The following ZRANB3 variants were observed in gnomAD, a reference collection of about 807,000 sequenced individuals.
ZRANB3 encodes DNA annealing helicase and endonuclease ZRANB3.
ZRANB3 carries 125 observed loss-of-function variants against 133.8 expected under a neutral mutation model. The ratio of observed to expected loss-of-function variants is 0.93; its 90% CI spans 0.81 to 1.08. The LOEUF is 1.08. ZRANB3 is among the 50% of genes least tolerant of loss of function. The pLI is 0.00. For synonymous variants in ZRANB3, 387 were observed against 432.7 expected (o/e 0.89, Z 1.31); for missense variants, 1,229 against 1,275.5 (o/e 0.96, Z 0.56).
At chr2:135,449,594 T>G (rs1690177101) in intron 2 of ZRANB3, among the ~76,000 whole-genome samples, 1 of 152,170 alleles carries the variant, frequency 6.6e-6, no homozygotes, top group Non-Finnish European at 1.5e-5. Context: ...CACTCCAGCT[T>G]GGGTAACAGA....
At chr2:135,425,015 A>G (rs1348687823) in intron 2 of ZRANB3, among the ~76,000 whole-genome samples, 1 of 152,256 alleles carries the variant, frequency 6.6e-6, no homozygotes, top group Non-Finnish European at 1.5e-5. Context: ...ATGGATTTGA[A>G]GAGGAATTCC....
intron 2 of ZRANB3, among the ~76,000 whole-genome samples, chr2:135,464,737 C>T (rs958992477): frequency 6.6e-6 from 1 of 152,148 alleles, no homozygotes; most frequent in Non-Finnish European, 1.5e-5. Context: ...GGCAACTAAG[C>T]CATGTACGTA....
chr2:135,499,887 T>C (rs1264614015), intron 2 of ZRANB3, among the ~76,000 whole-genome samples: 1 of 152,162 alleles, frequency 6.6e-6, no homozygotes, highest in Admixed American at 6.5e-5. Context: ...GGAAATATGG[T>C]CACTGCAGAC....
intron 3 of ZRANB3, among the ~76,000 whole-genome samples, chr2:135,373,982 T>C (rs1040691866): frequency 3.9e-5 from 6 of 152,078 alleles, no homozygotes; most frequent in South Asian, 4.1e-4. Flanking sequence ...CAAGAGATAA[T>C]TGAAGCTGAG....
chr2:135,409,059 T>TA (rs1277684163), intron 2 of ZRANB3, among the ~76,000 whole-genome samples: 3 of 151,978 alleles, frequency 2.0e-5, no homozygotes, highest in Non-Finnish European at 4.4e-5. Context: ...GGCAGTACAA[T>TA]AAGTATGTTG....
intron 8 of ZRANB3, among the ~76,000 whole-genome samples, chr2:135,285,718 AT>A (rs1413260450): frequency 6.6e-6 from 1 of 152,244 alleles, no homozygotes; most frequent in Non-Finnish European, 1.5e-5. Flanking sequence ...TCATAGAAAA[AT>A]AACTGGCATT....
chr2:135,432,308 A>G (rs1016228622), intron 2 of ZRANB3, among the ~76,000 whole-genome samples: 8 of 152,174 alleles, frequency 5.3e-5, no homozygotes, highest in Non-Finnish European at 1.0e-4. Context: ...AAAGATTCAA[A>G]TATTTCTAGA....
rs142441356 is a variant in ZRANB3, at chr2:135,521,760, C to G, written c.-8+9367G>C. ...ATACGGCAGCAAGTAATCAAAAAAG[C>G]CTTCACTTGTGAGAAAAAATGCTTG... On this transcript the variant is annotated intron_variant, in intron 1 of 20. Transcript: ENST00000264159. 1.1e-4 allele frequency among the ~76,000 whole-genome samples: 17 copies of G among 152,190 alleles called. No homozygotes were observed. The East Asian group carries it at 3.1e-3, about 28-fold the overall frequency.
Position 135,379,776 on chromosome 2 carries a change from C to T in ZRANB3, c.180+11026G>A, listed in dbSNP as rs912208956. On this transcript the variant is annotated intron_variant, in intron 3 of 20. Transcript: ENST00000264159. ...ATTAACAGGCAAAACAACCAGCTAA[C>T]ATCATAATGACAGGATCAAATGCAC... Among the ~76,000 whole-genome samples the T allele has an allele frequency of 3.9e-5, 6 of 152,270 alleles. No homozygotes were observed. In the East Asian group the frequency reaches 7.7e-4, roughly 20 times the overall value.
chr2:135,279,264 C>A (rs1680986382), intron 8 of ZRANB3, among the ~76,000 whole-genome samples: 1 of 152,096 alleles, frequency 6.6e-6, no homozygotes, highest in Non-Finnish European at 1.5e-5. Context: ...ATACATATGA[C>A]TATAAAGTCA....
chr2:135,279,403 G>A (rs78256223), intron 8 of ZRANB3, among the ~76,000 whole-genome samples: 1 of 152,250 alleles, frequency 6.6e-6, no homozygotes, highest in East Asian at 1.9e-4. Flanking sequence ...AAGTGGAAGT[G>A]AAGTACTGTC....
In ZRANB3 at chr2:135,433,395, A is replaced by T. The variant is rs145835246; in HGVS notation, c.162-42575T>A. Among the ~76,000 whole-genome samples the T allele has an allele frequency of 3.2e-3, 487 of 152,286 alleles. 2 individuals carry two copies. The highest frequency in any genetic ancestry group is 0.01 in the African/African-American group (430 of 41,558). ...AAGTGAGACCCTGTCTTAAAAAAAC[A>T]AAACAAAACAAAAAACAGCAAAGAA... is the stretch of plus-strand genomic sequence containing the variant. On this transcript the variant is annotated intron_variant, in intron 2 of 20. Transcript: ENST00000264159.
At chr2:135,499,093 T>C (rs1183739960) in intron 2 of ZRANB3, among the ~76,000 whole-genome samples, 1 of 152,202 alleles carries the variant, frequency 6.6e-6, no homozygotes, top group Admixed American at 6.5e-5. Flanking sequence ...AAAAACTTGC[T>C]GGTTTTGCAG....
intron 2 of ZRANB3, among the ~76,000 whole-genome samples, chr2:135,435,681 C>T (rs1689502045): frequency 6.6e-6 from 1 of 152,082 alleles, no homozygotes; most frequent in Non-Finnish European, 1.5e-5. Flanking sequence ...CAGTAATAGC[C>T]ATTCTGACTG....
chr2:135,271,671 A>G (rs1680520397), intron 10 of ZRANB3, 97 bp downstream of exon 10: 1 of 1,369,298 alleles, frequency 7.3e-7, no homozygotes, highest in Non-Finnish European at 9.8e-7. Context: ...GCATCCAGAT[A>G]CAAAGTTACA....
intron 6 of ZRANB3, among the ~76,000 whole-genome samples, chr2:135,319,266 T>C (rs933280367): frequency 8.5e-5 from 13 of 152,344 alleles, no homozygotes; most frequent in African/African-American, 3.1e-4. Context: ...CTTACAGATG[T>C]TCCTAAATCC....
At chr2:135,324,696 C>A (rs993971273) in intron 6 of ZRANB3, among the ~76,000 whole-genome samples, 2 of 152,220 alleles carry the variant, frequency 1.3e-5, no homozygotes, top group Non-Finnish European at 2.9e-5. Context: ...ACAGTCCCAC[C>A]AACAGTGTAA....
intron 1 of ZRANB3, among the ~76,000 whole-genome samples, chr2:135,512,718 A>C (rs1693519599): frequency 6.6e-6 from 1 of 151,894 alleles, no homozygotes; most frequent in African/African-American, 2.4e-5. Flanking sequence ...CAGGCAAAAA[A>C]AAATTATTAA....
intron 6 of ZRANB3, 39 bp downstream of exon 6, chr2:135,345,511 C>T: frequency 7.3e-7 from 1 of 1,373,266 alleles, no homozygotes; most frequent in South Asian, 1.3e-5. Context: ...TCACAGTAAA[C>T]ATGTGAGGAA....
Sources: gnomAD v4.1 joint callset for allele counts (sites outside exome capture counted in the v4.1 genomes callset) on GRCh38, gnomAD v4.1.1 for gene constraint, MANE v1.5 for transcripts, NCBI Gene and HGNC (gene_info 2026-07-23, HGNC 2026-07-21) for gene names.